STAB1: variants seen among roughly 807,000 people sequenced by gnomAD.
STAB1 encodes stabilin 1.
A neutral mutation model predicts 332.4 loss-of-function variants in STAB1; 250 were observed. The ratio of observed to expected loss-of-function variants is 0.75; its 90% confidence interval spans 0.68 to 0.84. The LOEUF (loss-of-function observed/expected upper bound fraction) is 0.84, where lower values mean the gene tolerates loss of function less well. Ranked by LOEUF, STAB1 falls within the 40% of genes least tolerant of loss-of-function variation. The probability of loss-of-function intolerance (pLI) is 0.00; values close to 1 mark genes in which losing one functional copy is unlikely to be tolerated. For synonymous variants in STAB1, 1,475 were observed against 1,390.4 expected, an observed-to-expected ratio of 1.06 and a Z score of -1.35; for missense variants, 3,249 against 3,489.7, an observed-to-expected ratio of 0.93 and a Z score of 1.74.
intron 26 of STAB1, 113 bp downstream of exon 26, chr3:52,511,858 A>C: frequency 1.2e-6 from 1 of 845,546 alleles, no homozygotes; most frequent in Middle Eastern, 3.4e-4. Flanking sequence ...CCTCAGGATT[A>C]AGATCTTTCT....
intron 33 of STAB1, 60 bp from the exon 34 acceptor site, chr3:52,514,305 C>T (rs1575340414): frequency 7.6e-6 from 12 of 1,583,252 alleles, no homozygotes; most frequent in South Asian, 5.8e-5. Flanking sequence ...GTGGGTGTGG[C>T]GTGCTGTCCA....
chr3:52,503,957 C>A (rs1013001978), intron 9 of STAB1, 55 bp downstream of exon 9: 15 of 1,594,108 alleles, frequency 9.4e-6, no homozygotes, highest in African/African-American at 2.7e-5. Flanking sequence ...GTGCCCTCTG[C>A]GGGAAGGCGT....
At position 52,512,509 on chromosome 3, in the gene STAB1, G is replaced by A. The variant is rs1575334178; in HGVS notation, c.2979+73G>A. 2.5e-6 allele frequency: 4 copies of A among 1,612,422 alleles called. No homozygotes were observed. The East Asian group carries it at 6.7e-5, about 27-fold the overall frequency. ...GAGCCCTCTCCAGCACCTCAGGTGG[G>A]AAAGGGGCACTGCTCAGGATCCATG... On this transcript the variant is annotated intron_variant, in intron 27 of 68. Transcript: ENST00000321725.
intron 47 of STAB1, 48 bp from the exon 48 acceptor site, chr3:52,518,675 G>A (rs763781377): frequency 6.2e-7 from 1 of 1,611,854 alleles, no homozygotes; most frequent in Non-Finnish European, 8.5e-7. Flanking sequence ...CCCTGCGTGG[G>A]CTGAGGCGGC....
chr3:52,514,084 T>G (rs371338134), intron 32 of STAB1, 31 bp from the exon 33 acceptor site: 1 of 1,610,584 alleles, frequency 6.2e-7, no homozygotes, highest in African/African-American at 1.3e-5. Context: ...ACAACTAATA[T>G]GCCCATCCCT....
At position 52,519,543 on chromosome 3, in the gene STAB1, G is replaced by T. The variant is rs568252470; in HGVS notation, c.5214G>T (p.Lys1738Asn). The change falls in exon 50 of 69, where the codon AAG becomes AAT. Residue 1738 changes from lysine to asparagine, a missense_variant. Lys to Asn is a moderately conservative substitution (Grantham distance 94). Transcript: ENST00000321725. ...VTAAAQGFGYKIFSGLLKVAG... is the reference protein window; with the variant it reads ...VTAAAQGFGYNIFSGLLKVAG... ...CCGCCGCCCAGGGCTTCGGTTACAA[G>T]ATCTTCAGCGGCCTCCTGAAGGTAC... 1.2e-6 allele frequency: 2 copies of T among 1,613,332 alleles called. No homozygotes were observed. Among genetic ancestry groups the T allele is most frequent in the East Asian group, 2.2e-5 (1 of 44,878 alleles).
Position 52,523,476 on chromosome 3 carries a change from T to C in STAB1, c.7190T>C (p.Leu2397Pro). ...LELHASNATL[L>P]SANASQGKLL... ...CTGCATGCCTCCAACGCCACCCTCC[T>C]AAGTGCCAACGCCAGCCAGGGGAAG... is the stretch of plus-strand genomic sequence containing the variant. The change falls in exon 65 of 69, where the codon CTA becomes CCA. Residue 2397 changes from leucine (L) to proline (P), a missense_variant. Physicochemically the swap from Leu to Pro is moderately conservative, Grantham distance 98. Coordinates refer to ENST00000321725, the MANE Select transcript of STAB1 (RefSeq NM_015136.3). The C allele has an allele frequency of 1.9e-6, 3 of 1,611,914 alleles. No individual in the cohort carries two copies. The highest frequency in any genetic ancestry group is 2.7e-5 in the African/African-American group (2 of 75,032).
chr3:52,520,553 A>G lies in STAB1; in HGVS notation c.5649+4A>G. On this transcript the variant is annotated splice_donor_region_variant and intron_variant, in intron 53 of 68. Coordinates refer to ENST00000321725, the MANE Select transcript of STAB1 (RefSeq NM_015136.3). ...TGAGACCCGGCCCCTGCGACTGGTG[A>G]GGGAGGCCAGAGGCAGACGGGCAGA... 1 of 1,610,948 alleles carries G rather than the reference A, an allele frequency of 6.2e-7. No homozygotes were observed. The highest frequency in any genetic ancestry group is 8.5e-7 in the Non-Finnish European group (1 of 1,178,510).
Position 52,505,154 on chromosome 3 carries a change from A to ATCCTC in STAB1, c.1518+12_1518+16dup. The ATCCTC allele has an allele frequency of 6.2e-7, 1 of 1,612,354 alleles. No individual in the cohort carries two copies. The highest frequency in any genetic ancestry group is 8.5e-7 in the Non-Finnish European group (1 of 1,179,558). ...CCTGGGGATCCCAAGGTGAGCCAGC[A>ATCCTC]TCCTCCCCTCCCCTCCCCTGTGCTG... On this transcript the variant is annotated intron_variant, in intron 13 of 68. Coordinates refer to ENST00000321725, the MANE Select transcript of STAB1 (RefSeq NM_015136.3).
In STAB1 at chr3:52,523,481, G is replaced by C. The variant is rs780347742; in HGVS notation, c.7195G>C (p.Ala2399Pro). ...TGCCTCCAACGCCACCCTCCTAAGT[G>C]CCAACGCCAGCCAGGGGAAGTTGCT... Reference protein sequence around the residue: ...LHASNATLLSANASQGKLLPA... With the variant: ...LHASNATLLSPNASQGKLLPA... Residue 2399 changes from alanine (A) to proline (P), a missense_variant, in exon 65 of 69, where the codon GCC becomes CCC. By Grantham distance (27) the Ala-to-Pro change is conservative (BLOSUM62 -1). Transcript: ENST00000321725. 2 of 1,612,242 alleles carry C rather than the reference G, an allele frequency of 1.2e-6. No homozygotes were observed. Among genetic ancestry groups the C allele is most frequent in the Admixed American group, 3.3e-5 (2 of 60,022 alleles).
chr3:52,509,104 G>C (rs111979374), intron 21 of STAB1, 106 bp from the exon 22 acceptor site: 5 of 974,818 alleles, frequency 5.1e-6, no homozygotes, highest in South Asian at 3.3e-5. Context: ...GAGCTCTCAC[G>C]GGTAGCAAGA....
Position 52,512,661 on chromosome 3 carries a change from G to T in STAB1, c.3027+18G>T, listed in dbSNP as rs1372152206. 6.2e-7 allele frequency: 1 copy of T among 1,613,564 alleles called. No homozygotes were observed. The highest frequency in any genetic ancestry group is 1.7e-5 in the Admixed American group (1 of 60,016). ...GGCTTAAGGTAGGACAGGGCAGAATGCTGGGGTTGAGGGCTCAAATCCAGG... is the reference window on the plus strand; with the variant it reads ...GGCTTAAGGTAGGACAGGGCAGAATTCTGGGGTTGAGGGCTCAAATCCAGG... On this transcript the variant is annotated intron_variant, in intron 28 of 68. Transcript: ENST00000321725.
Position 52,521,902 on chromosome 3 carries a change from C to T in STAB1, c.6222C>T (p.Asn2074=). The change falls in exon 58 of 69, where the codon AAC becomes AAT. Residue 2074 remains asparagine (N), a synonymous_variant. Coordinates refer to ENST00000321725, the MANE Select transcript of STAB1 (RefSeq NM_015136.3). ...CAPEAVCRAG[N]SCECSLGYEG... is the part of the protein sequence containing the mutation. ...CCGAGGCTGTGTGCCGTGCAGGCAA[C>T]AGCTGTGAGTGCAGCCTGGGCTATG... 1 of 1,609,238 alleles carries T rather than the reference C, an allele frequency of 6.2e-7. No homozygotes were observed. Among genetic ancestry groups the T allele is most frequent in the South Asian group, 1.1e-5 (1 of 90,594 alleles).
chr3:52,500,981 G>A (rs750131656), intron 1 of STAB1, among the ~76,000 whole-genome samples, 185 bp from the exon 2 acceptor site: 3 of 152,222 alleles, frequency 2.0e-5, no homozygotes, highest in Admixed American at 6.5e-5. Context: ...CCCACTGAGC[G>A]CCCCCAGGGC....
Position 52,505,080 on chromosome 3 carries a change from C to T in STAB1, c.1455C>T (p.Gly485=), listed in dbSNP as rs767880530. The T allele has an allele frequency of 2.9e-5, 46 of 1,613,614 alleles. No individual in the cohort carries two copies. Among genetic ancestry groups the T allele is most frequent in the Non-Finnish European group, 3.6e-5 (43 of 1,180,020 alleles). The change falls in exon 13 of 69, where the codon GGC becomes GGT. Residue 485 remains glycine, a synonymous_variant. Transcript: ENST00000321725. ...AGGCCAACAACATAGCAGCTAATGG[C>T]GTCTTCCACGTGGTCACTGGCCTGC... The part of the protein sequence containing the change: ...IYKANNIAAN[G]VFHVVTGLRW...
chr3:52,503,646 TG>T, intron 8 of STAB1, 106 bp downstream of exon 8: 1 of 1,560,396 alleles, frequency 6.4e-7, no homozygotes, highest in Non-Finnish European at 8.7e-7. Context: ...TTTCCCCACT[TG>T]TAAAGTGGGG....
At chr3:52,498,159 A>G (rs1708180488) in intron 1 of STAB1, among the ~76,000 whole-genome samples, 1 of 152,206 alleles carries the variant, frequency 6.6e-6, no homozygotes, top group Non-Finnish European at 1.5e-5. Flanking sequence ...GCTTGGGAGA[A>G]TTTCATCCAC....
chr3:52,521,292 G>A (rs2079063578), intron 55 of STAB1, 69 bp from the exon 56 acceptor site: 2 of 1,598,686 alleles, frequency 1.3e-6, no homozygotes, highest in Non-Finnish European at 1.7e-6. Context: ...GGGCTAGGCT[G>A]GAGGTACGTA....
At chr3:52,518,037 C>A (rs1035419056) in intron 45 of STAB1, 34 bp downstream of exon 45, 3 of 1,577,480 alleles carry the variant, frequency 1.9e-6, no homozygotes, top group South Asian at 2.3e-5. Flanking sequence ...CTGATCTGGT[C>A]TTGGCTGTGC....
Sources: allele counts gnomAD v4.1 joint callset (sites outside exome capture counted in the v4.1 genomes callset), GRCh38; gene constraint gnomAD v4.1.1; transcripts MANE v1.5; gene names NCBI Gene and HGNC (gene_info 2026-07-23, HGNC 2026-07-21).